The following CASK variants were observed in gnomAD, a reference collection of about 807,000 sequenced individuals.
The protein encoded by CASK is peripheral plasma membrane protein CASK.
A neutral mutation model predicts 82.9 loss-of-function variants in CASK; 4 were observed. That is an observed-to-expected ratio of 0.05 (90% CI 0.02 to 0.11). The LOEUF (loss-of-function observed/expected upper bound fraction) is 0.11. Among genes scored for constraint, CASK ranks in the 10% least tolerant of loss-of-function variants. CASK has a pLI of 1.00. For synonymous variants in CASK, 259 were observed against 253.5 expected, an observed-to-expected ratio of 1.02 and a Z score of -0.20; for missense variants, 358 against 720.9, an observed-to-expected ratio of 0.50 and a Z score of 5.76.
At chrX:41,532,182 C>T (rs986944293) in intron 24 of CASK, among the ~76,000 whole-genome samples, 11 of 111,944 alleles carry the variant, frequency 9.8e-5, no homozygotes, top group Non-Finnish European at 1.7e-4. Context: ...GTGATCTGCC[C>T]GCCTCAGTCT....
At chrX:41,644,921 A>G (rs1369773943) in intron 8 of CASK, among the ~76,000 whole-genome samples, 1 of 111,558 alleles carries the variant, frequency 9.0e-6, no homozygotes, top group Non-Finnish European at 1.9e-5. Flanking sequence ...TTGTCTCCTG[A>G]TAAGATGTTA....
At chrX:41,789,477 C>CA (rs2069674936) in intron 2 of CASK, among the ~76,000 whole-genome samples, 1 of 111,126 alleles carries the variant, frequency 9.0e-6, no homozygotes, top group African/African-American at 3.3e-5. Flanking sequence ...CCTCCATCTC[C>CA]AAAAGTAGTT....
At chrX:41,895,991 A>C (rs988138864) in intron 1 of CASK, among the ~76,000 whole-genome samples, 1 of 111,917 alleles carries the variant, frequency 8.9e-6, no homozygotes, top group African/African-American at 3.3e-5. Flanking sequence ...AGAGGGCTTA[A>C]GTTACTCTCT....
At chrX:41,650,975 G>A (rs1324143823) in intron 8 of CASK, among the ~76,000 whole-genome samples, 1 of 111,726 alleles carries the variant, frequency 9.0e-6, no homozygotes, top group Non-Finnish European at 1.9e-5. Flanking sequence ...GTTTAGACAT[G>A]GCATGCGATA....
chrX:41,688,410 A>G (rs961912257), intron 5 of CASK, among the ~76,000 whole-genome samples: 1 of 112,276 alleles, frequency 8.9e-6, no homozygotes, highest in South Asian at 3.7e-4. Flanking sequence ...ATTTTGGACT[A>G]GGATCAAAAC....
intron 1 of CASK, among the ~76,000 whole-genome samples, chrX:41,873,050 CAAACA>C (rs1367120384): frequency 2.7e-5 from 3 of 110,850 alleles, no homozygotes; most frequent in African/African-American, 9.8e-5. Flanking sequence ...GAAGTAATAA[CAAACA>C]AAAGGACTGA....
At chrX:41,878,782 G>A (rs1015773647) in intron 1 of CASK, among the ~76,000 whole-genome samples, 90 of 110,901 alleles carry the variant, frequency 8.1e-4, no homozygotes, top group African/African-American at 2.9e-3. Flanking sequence ...GGGATAAAAG[G>A]CTATAAACTG....
chrX:41,880,289 T>A (rs2071924007), intron 1 of CASK, among the ~76,000 whole-genome samples: 1 of 111,853 alleles, frequency 8.9e-6, no homozygotes, highest in African/African-American at 3.2e-5. Flanking sequence ...GTTACAGGAA[T>A]GTGTTCAGTT....
intron 1 of CASK, among the ~76,000 whole-genome samples, chrX:41,887,307 C>CACAA (rs1227214780): frequency 9.5e-6 from 1 of 104,900 alleles, no homozygotes; most frequent in Non-Finnish European, 2.0e-5. Flanking sequence ...CACACACACA[C>CACAA]ACACACACAC....
intron 2 of CASK, among the ~76,000 whole-genome samples, chrX:41,811,644 C>G (rs1167274339): frequency 8.9e-6 from 1 of 112,313 alleles, no homozygotes; most frequent in Non-Finnish European, 1.9e-5. Flanking sequence ...CAGGAGAGAT[C>G]TAAAATTGAC....
At chrX:41,737,145 A>G (rs1371109051) in intron 5 of CASK, among the ~76,000 whole-genome samples, 1 of 111,856 alleles carries the variant, frequency 8.9e-6, no homozygotes, top group African/African-American at 3.3e-5. Flanking sequence ...TTGGAGCCCT[A>G]AGACACTGTC....
intron 5 of CASK, chrX:41,729,749 C>CAAAA (rs1162361118): frequency 4.2e-4 from 6 of 14,118 alleles, no homozygotes; most frequent in Non-Finnish European, 7.1e-4. Flanking sequence ...GACTCTGTCT[C>CAAAA]AAAAAAAAAA....
intron 5 of CASK, among the ~76,000 whole-genome samples, chrX:41,736,040 C>T (rs919899624): frequency 1.8e-5 from 2 of 111,670 alleles, no homozygotes; most frequent in Admixed American, 9.5e-5. Flanking sequence ...GACGTAGCTC[C>T]GGTTCCTAGG....
At chrX:41,735,359 T>C (rs535365563) in intron 5 of CASK, among the ~76,000 whole-genome samples, 26 of 111,822 alleles carry the variant, frequency 2.3e-4, no homozygotes, top group Non-Finnish European at 3.0e-4. Context: ...GGTTGCTTTA[T>C]TGGCAAAAAT....
intron 12 of CASK, among the ~76,000 whole-genome samples, chrX:41,597,123 C>T (rs2065833229): frequency 8.9e-6 from 1 of 112,015 alleles, no homozygotes; most frequent in African/African-American, 3.2e-5. Context: ...GTGTTTTGCT[C>T]ATAGTTTATG....
At chrX:41,748,796 G>A (rs192301592) in intron 3 of CASK, among the ~76,000 whole-genome samples, 26 of 111,587 alleles carry the variant, frequency 2.3e-4, no homozygotes, top group Non-Finnish European at 4.0e-4. Context: ...GAACCAGTCC[G>A]TGAGAAATAC....
chrX:41,778,300 G>A (rs185028939), intron 3 of CASK, among the ~76,000 whole-genome samples: 3 of 107,195 alleles, frequency 2.8e-5, no homozygotes, highest in Non-Finnish European at 5.8e-5. Flanking sequence ...GTGTGATCTC[G>A]GCTCACTGCA....
intron 7 of CASK, among the ~76,000 whole-genome samples, chrX:41,661,143 G>A (rs2067025328): frequency 1.8e-5 from 2 of 111,559 alleles, no homozygotes; most frequent in South Asian, 7.5e-4. Flanking sequence ...AAGCCACATG[G>A]TATATTGATT....
intron 5 of CASK, among the ~76,000 whole-genome samples, chrX:41,686,400 TTTC>T (rs1447343379): frequency 9.2e-6 from 1 of 108,902 alleles, no homozygotes; most frequent in Non-Finnish European, 1.9e-5. Context: ...CTTTTCTTTC[TTTC>T]TTTTTTTTTT....
Sources: allele counts gnomAD v4.1 joint callset (sites outside exome capture counted in the v4.1 genomes callset), GRCh38; gene constraint gnomAD v4.1.1; transcripts MANE v1.5; gene names NCBI Gene and HGNC (gene_info 2026-07-23, HGNC 2026-07-21).